EIF2B3: variants seen among roughly 807,000 people sequenced by gnomAD.
The protein encoded by EIF2B3 is translation initiation factor eIF2B subunit gamma.
A neutral mutation model predicts 54.1 loss-of-function variants in EIF2B3; 20 were observed. The observed-to-expected ratio is 0.37, with a 90% CI of 0.26 to 0.54. EIF2B3 has a LOEUF of 0.54. EIF2B3 is among the 20% of genes least tolerant of loss of function. EIF2B3 has a pLI of 0.86. For synonymous variants in EIF2B3, 153 were observed against 188.1 expected, an observed-to-expected ratio of 0.81 and a Z score of 1.52; for missense variants, 448 against 547.8, an observed-to-expected ratio of 0.82 and a Z score of 1.82.
At chr1:44,901,715 A>G (rs1369275174) in intron 5 of EIF2B3, among the ~76,000 whole-genome samples, 2 of 151,402 alleles carry the variant, frequency 1.3e-5, no homozygotes, top group Admixed American at 6.6e-5. Flanking sequence ...ACGTGACACC[A>G]CACCTGGCTA....
intron 5 of EIF2B3, among the ~76,000 whole-genome samples, chr1:44,916,817 A>AAG (rs1384476552): frequency 6.6e-6 from 1 of 151,128 alleles, no homozygotes; most frequent in Admixed American, 6.6e-5. Context: ...TCGCAAAAAA[A>AAG]AAAAAAGAAA....
chr1:44,876,723 T>C (rs1347938497), intron 8 of EIF2B3, among the ~76,000 whole-genome samples: 1 of 140,238 alleles, frequency 7.1e-6, no homozygotes, highest in Non-Finnish European at 1.5e-5. Flanking sequence ...GAACGGGCCA[T>C]GATGACAATG....
intron 2 of EIF2B3, among the ~76,000 whole-genome samples, chr1:44,980,796 TTCG>T (rs1391339644): frequency 2.0e-5 from 3 of 152,048 alleles, no homozygotes; most frequent in Non-Finnish European, 4.4e-5. Context: ...CTTTACAGAG[TTCG>T]TCTTGGATCA....
chr1:44,941,466 C>T (rs759359515), intron 4 of EIF2B3, 40 bp downstream of exon 4: 74 of 1,573,240 alleles, frequency 4.7e-5, no homozygotes, highest in East Asian at 6.7e-5. Context: ...ATAATAATTA[C>T]GAAAACTCAA....
At chr1:44,930,471 G>C (rs530603261) in intron 4 of EIF2B3, among the ~76,000 whole-genome samples, 1 of 152,224 alleles carries the variant, frequency 6.6e-6, no homozygotes, top group Non-Finnish European at 1.5e-5. Context: ...AGCAGCTGAA[G>C]TGACAGTGTG....
At chr1:44,913,939 G>C (rs1452939896) in intron 5 of EIF2B3, among the ~76,000 whole-genome samples, 1 of 149,544 alleles carries the variant, frequency 6.7e-6, no homozygotes, top group Non-Finnish European at 1.5e-5. Flanking sequence ...TGATTCTGCA[G>C]CCTCAGCCTC....
intron 10 of EIF2B3, among the ~76,000 whole-genome samples, chr1:44,868,471 A>G (rs1313177537): frequency 6.7e-6 from 1 of 150,112 alleles, no homozygotes; most frequent in African/African-American, 2.4e-5. Flanking sequence ...AAGTCTCTTC[A>G]TATCAATTAG....
At chr1:44,876,175 G>C (rs1186435854) in intron 8 of EIF2B3, among the ~76,000 whole-genome samples, 1 of 152,140 alleles carries the variant, frequency 6.6e-6, no homozygotes, top group African/African-American at 2.4e-5. Context: ...CCAAAGAGCT[G>C]AGATTGCAGC....
chr1:44,907,119 A>G (rs1643426259), intron 5 of EIF2B3, among the ~76,000 whole-genome samples: 1 of 152,156 alleles, frequency 6.6e-6, no homozygotes, highest in Non-Finnish European at 1.5e-5. Context: ...AGTTCAAATT[A>G]CCATTACTTC....
At chr1:44,911,797 G>A (rs1204522435) in intron 5 of EIF2B3, among the ~76,000 whole-genome samples, 4 of 150,850 alleles carry the variant, frequency 2.7e-5, no homozygotes, top group African/African-American at 7.4e-5. Context: ...ATGCTGGTGC[G>A]CTGCACCCAC....
At chr1:44,884,040 T>C (rs958844498) in intron 6 of EIF2B3, among the ~76,000 whole-genome samples, 2 of 152,200 alleles carry the variant, frequency 1.3e-5, no homozygotes, top group African/African-American at 4.8e-5. Context: ...AGTCTCACTA[T>C]GTTGCCCAGG....
At chr1:44,876,317 C>T (rs1005503272) in intron 8 of EIF2B3, among the ~76,000 whole-genome samples, 25 of 147,604 alleles carry the variant, frequency 1.7e-4, no homozygotes, top group Non-Finnish European at 7.5e-5. Context: ...TCTGCCCGGC[C>T]GCCCATAGTC....
chr1:44,924,009 C>T (rs1282790636), intron 5 of EIF2B3, among the ~76,000 whole-genome samples: 9 of 149,690 alleles, frequency 6.0e-5, no homozygotes, highest in East Asian at 2.0e-4. Flanking sequence ...GGTGCAATCT[C>T]GGCTCACTGC....
chr1:44,941,685 A>G lies in EIF2B3; in HGVS notation c.295-20T>C. Reference sequence around the variant, plus strand: ...ATCTGTCTGTTAAATGGAGATGGGAAAAGTCAATATCATAAAGGACAATGG... The same window carrying G: ...ATCTGTCTGTTAAATGGAGATGGGAGAAGTCAATATCATAAAGGACAATGG... On this transcript the variant is annotated intron_variant, in intron 3 of 11. Transcript: ENST00000360403. The G allele has an allele frequency of 6.2e-7, 1 of 1,614,130 alleles. No homozygotes were observed. The highest frequency in any genetic ancestry group is 8.5e-7 in the Non-Finnish European group (1 of 1,179,994).
At chr1:44,900,818 A>G (rs72676505) in intron 5 of EIF2B3, among the ~76,000 whole-genome samples, 34,911 of 151,984 alleles carry the variant, frequency 0.23, 4,612 homozygotes, top group African/African-American at 0.37. Flanking sequence ...TCCCTATGAC[A>G]TGATGTTGAG....
At chr1:44,875,592 C>T (rs145100471) in intron 9 of EIF2B3, 26 bp downstream of exon 9, 30 of 1,609,572 alleles carry the variant, frequency 1.9e-5, no homozygotes, top group Middle Eastern at 1.7e-4. Flanking sequence ...ACATCTCATG[C>T]CCGTCCTGGC....
At chr1:44,947,032 C>T (rs964828385) in intron 3 of EIF2B3, among the ~76,000 whole-genome samples, 1 of 152,152 alleles carries the variant, frequency 6.6e-6, no homozygotes, top group Non-Finnish European at 1.5e-5. Context: ...ACTCAGCTGC[C>T]TTTGTTTCAT....
chr1:44,981,370 T>C (rs191677105), intron 1 of EIF2B3, among the ~76,000 whole-genome samples, 193 bp from the exon 2 acceptor site: 2 of 152,286 alleles, frequency 1.3e-5, no homozygotes, highest in Admixed American at 1.3e-4. Context: ...GTATTCTCAG[T>C]TCTATCCTTG....
chr1:44,878,358 G>A (rs1042365646), intron 8 of EIF2B3, among the ~76,000 whole-genome samples: 3 of 152,090 alleles, frequency 2.0e-5, no homozygotes, highest in African/African-American at 7.2e-5. Flanking sequence ...CACCTATCAG[G>A]TTCAAGCAAT....
Sources: allele counts gnomAD v4.1 joint callset (sites outside exome capture counted in the v4.1 genomes callset), GRCh38; gene constraint gnomAD v4.1.1; transcripts MANE v1.5; gene names NCBI Gene and HGNC (gene_info 2026-07-23, HGNC 2026-07-21).